The following CCDC73 variants were observed in gnomAD, a reference collection of about 807,000 sequenced individuals.
CCDC73 encodes the protein coiled-coil domain containing 73.
Under a neutral mutation model 116.5 loss-of-function variants are expected in CCDC73, and 95 were observed. The observed-to-expected ratio is 0.82, with a 90% CI of 0.69 to 0.97. The LOEUF (loss-of-function observed/expected upper bound fraction) is 0.97. CCDC73 is among the 50% of genes least tolerant of loss of function. The pLI is 0.00. For missense variants in CCDC73, 1,066 were observed against 1,206.8 expected (o/e 0.88, Z 1.73); for synonymous variants, 398 against 401.3 (o/e 0.99, Z 0.10).
intron 6 of CCDC73, among the ~76,000 whole-genome samples, chr11:32,691,415 T>G (rs753598130): frequency 2.5e-4 from 38 of 152,146 alleles, no homozygotes; most frequent in Non-Finnish European, 1.0e-4. Context: ...TGGTGAGTAG[T>G]GTATCTTTGT....
chr11:32,741,197 A>G (rs1262702976), intron 2 of CCDC73, among the ~76,000 whole-genome samples: 1 of 151,900 alleles, frequency 6.6e-6, no homozygotes, highest in African/African-American at 2.4e-5. Flanking sequence ...CTTGGTCTAC[A>G]GTACAGATTA....
chr11:32,811,841 C>T, the CCDC73 span, among the ~76,000 whole-genome samples: 1 of 152,252 alleles, frequency 6.6e-6, no homozygotes, highest in South Asian at 2.1e-4. Flanking sequence ...CCTCCAGCAT[C>T]GCGATCACAT....
At chr11:32,763,699 CA>C (rs1292324644) in intron 1 of CCDC73, among the ~76,000 whole-genome samples, 11 of 152,230 alleles carry the variant, frequency 7.2e-5, no homozygotes, top group African/African-American at 2.7e-4. Flanking sequence ...TTCTAAAAAT[CA>C]GAGCACCTCT....
intron 7 of CCDC73, among the ~76,000 whole-genome samples, chr11:32,679,660 G>A (rs1396220096): frequency 3.3e-5 from 5 of 152,128 alleles, no homozygotes; most frequent in East Asian, 3.9e-4. Context: ...CACTGTGCCC[G>A]GCCAATTCAA....
intron 9 of CCDC73, among the ~76,000 whole-genome samples, chr11:32,664,763 T>C (rs1855964593): frequency 6.6e-6 from 1 of 152,234 alleles, no homozygotes; most frequent in Non-Finnish European, 1.5e-5. Context: ...GTGTCAATTT[T>C]AGATCTTTCC....
At chr11:32,714,935 C>G (rs1366654642) in intron 3 of CCDC73, among the ~76,000 whole-genome samples, 1 of 152,116 alleles carries the variant, frequency 6.6e-6, no homozygotes, top group Non-Finnish European at 1.5e-5. Context: ...CATGTAAGTA[C>G]TGTCCATGGC....
At chr11:32,687,137 C>T (rs1024582574) in intron 6 of CCDC73, among the ~76,000 whole-genome samples, 1 of 152,114 alleles carries the variant, frequency 6.6e-6, no homozygotes, top group Non-Finnish European at 1.5e-5. Context: ...GTGCTTAAAA[C>T]ATTTAACCCC....
At chr11:32,811,482 T>C in the CCDC73 span, among the ~76,000 whole-genome samples, 1 of 152,068 alleles carries the variant, frequency 6.6e-6, no homozygotes, top group African/African-American at 2.4e-5. Flanking sequence ...TGCCATTAGG[T>C]GTGTGTTAGT....
chr11:32,730,632 G>A (rs1356491693), intron 2 of CCDC73, among the ~76,000 whole-genome samples: 1 of 151,826 alleles, frequency 6.6e-6, no homozygotes, highest in African/African-American at 2.4e-5. Context: ...GATGTATCTG[G>A]GTATTTTCTG....
rs777941993 is a variant in CCDC73, at chr11:32,653,126, A to T, written c.936T>A (p.Asn312Lys). 2 of 1,595,308 alleles carry T rather than the reference A, an allele frequency of 1.3e-6. No individual in the cohort carries two copies. The highest frequency in any genetic ancestry group is 2.2e-5 in the South Asian group (2 of 89,790). ...CAGACAGACAGATAGAACGAACCTG[A>T]TTATTTTCTTTTAGCACCTTCAATT... ...EAELKVLKEN[N>K]QTLERDNELQ... The change falls in exon 12 of 18, where the codon AAT becomes AAA. Residue 312 changes from asparagine to lysine, a missense_variant. Asn to Lys is a moderately conservative substitution (Grantham distance 94). Transcript: ENST00000335185.
At chr11:32,745,659 CTTCT>C (rs1850229550) in intron 2 of CCDC73, among the ~76,000 whole-genome samples, 1 of 151,300 alleles carries the variant, frequency 6.6e-6, no homozygotes, top group South Asian at 2.1e-4. Context: ...ATGTAATGGC[CTTCT>C]TTGTCTCTTC....
At chr11:32,649,049 T>C (rs927323351) in intron 12 of CCDC73, among the ~76,000 whole-genome samples, 14 of 152,214 alleles carry the variant, frequency 9.2e-5, no homozygotes, top group African/African-American at 2.4e-4. Flanking sequence ...CCAGTACTTA[T>C]GTACCATTGA....
chr11:32,657,779 T>G (rs572365212), intron 9 of CCDC73, among the ~76,000 whole-genome samples: 1 of 152,220 alleles, frequency 6.6e-6, no homozygotes, highest in South Asian at 2.1e-4. Context: ...GGCAGGAGGA[T>G]TGCTTGAAGC....
intron 2 of CCDC73, among the ~76,000 whole-genome samples, chr11:32,720,404 G>A (rs1010213298): frequency 6.6e-5 from 10 of 152,040 alleles, no homozygotes; most frequent in Non-Finnish European, 1.5e-4. Flanking sequence ...TACAAAAACC[G>A]TACACTTAGC....
At chr11:32,768,449 C>T (rs1315981817) in intron 1 of CCDC73, among the ~76,000 whole-genome samples, 2 of 151,826 alleles carry the variant, frequency 1.3e-5, no homozygotes, top group Non-Finnish European at 2.9e-5. Context: ...TGTGCACATG[C>T]ATCCTAGAAC....
chr11:32,627,500 G>T (rs1013102080), intron 14 of CCDC73, among the ~76,000 whole-genome samples: 5 of 152,154 alleles, frequency 3.3e-5, no homozygotes, highest in Admixed American at 2.0e-4. Flanking sequence ...AAAGCATGCT[G>T]TTATAAAGAC....
upstream of CCDC73, among the ~76,000 whole-genome samples, chr11:32,797,577 G>A (rs1437990662): frequency 1.3e-5 from 2 of 152,066 alleles, no homozygotes; most frequent in Non-Finnish European, 2.9e-5. Flanking sequence ...GCAATCACTC[G>A]ACTCTACATA....
At chr11:32,813,646 A>G in the CCDC73 span, among the ~76,000 whole-genome samples, 1 of 152,232 alleles carries the variant, frequency 6.6e-6, no homozygotes, top group East Asian at 1.9e-4. Flanking sequence ...AAATTGTCCC[A>G]GAATGATTTC....
intron 16 of CCDC73, among the ~76,000 whole-genome samples, chr11:32,612,097 T>C (rs1296867304): frequency 2.0e-5 from 3 of 152,212 alleles, no homozygotes; most frequent in Non-Finnish European, 4.4e-5. Flanking sequence ...AGATATGTTT[T>C]TGTTTTTAAT....
Sources: gnomAD v4.1 joint callset for allele counts (sites outside exome capture counted in the v4.1 genomes callset) on GRCh38, gnomAD v4.1.1 for gene constraint, MANE v1.5 for transcripts, NCBI Gene and HGNC (gene_info 2026-07-23, HGNC 2026-07-21) for gene names.